Variants in MSI2 observed in about 807,000 individuals in gnomAD.
The protein encoded by MSI2 is musashi RNA binding protein 2.
Under a neutral mutation model 45.6 loss-of-function variants are expected in MSI2, and 17 were observed. The observed-to-expected ratio is 0.37, with a 90% CI of 0.26 to 0.56. The LOEUF (loss-of-function observed/expected upper bound fraction) is 0.56, where lower values mean the gene tolerates loss of function less well. MSI2 is among the 20% of genes least tolerant of loss of function. MSI2 has a pLI of 0.77. For missense variants in MSI2, 293 were observed against 444.2 expected, an observed-to-expected ratio of 0.66 and a Z score of 3.06; for synonymous variants, 156 against 158.2, an observed-to-expected ratio of 0.99 and a Z score of 0.11.
intron 6 of MSI2, among the ~76,000 whole-genome samples, chr17:57,492,155 G>GTGTTCCTCT (rs2085885318): frequency 6.6e-6 from 1 of 152,222 alleles, no homozygotes; most frequent in African/African-American, 2.4e-5. Context: ...ATTCTTGACA[G>GTGTTCCTCT]TGTTCCTCTA....
chr17:57,663,347 C>T (rs1186598963), intron 11 of MSI2, among the ~76,000 whole-genome samples: 1 of 152,222 alleles, frequency 6.6e-6, no homozygotes, highest in African/African-American at 2.4e-5. Flanking sequence ...TTCCTGGTTA[C>T]TTATTAATAT....
intron 10 of MSI2, among the ~76,000 whole-genome samples, chr17:57,649,354 T>C (rs1025214211): frequency 2.0e-5 from 3 of 147,582 alleles, no homozygotes; most frequent in Non-Finnish European, 4.5e-5. Flanking sequence ...CCAACACATA[T>C]ACACAACACA....
chr17:57,450,255 T>TAGAAAAAAAGAAAGAAAGAAAGAAAGA (rs1567830518), intron 6 of MSI2: 1 of 76,026 alleles, frequency 1.3e-5, no homozygotes, highest in African/African-American at 3.9e-5. Context: ...TTCCCCAGCT[T>TAGAAAAAAAGAAAGAAAGAAAGAAAGA]AAAGAAAGAA....
At chr17:57,427,424 A>G (rs1567817364) in intron 6 of MSI2, among the ~76,000 whole-genome samples, 1 of 151,932 alleles carries the variant, frequency 6.6e-6, no homozygotes, top group Non-Finnish European at 1.5e-5. Flanking sequence ...ATAAAAGAAA[A>G]TAAAAGAAAA....
intron 6 of MSI2, among the ~76,000 whole-genome samples, chr17:57,450,719 C>T (rs1273176318): frequency 6.6e-6 from 1 of 151,102 alleles, no homozygotes; most frequent in Non-Finnish European, 1.5e-5. Context: ...GCAAAAGTCC[C>T]CTTGTACAAT....
intron 6 of MSI2, among the ~76,000 whole-genome samples, chr17:57,515,810 A>G (rs2086459127): frequency 6.6e-6 from 1 of 152,200 alleles, no homozygotes; most frequent in African/African-American, 2.4e-5. Context: ...ATCCAAATCA[A>G]CAGAAATGAG....
intron 7 of MSI2, among the ~76,000 whole-genome samples, chr17:57,587,655 A>T (rs1246285921): frequency 2.6e-5 from 4 of 151,792 alleles, no homozygotes; most frequent in Non-Finnish European, 5.9e-5. Flanking sequence ...GGAATAAAGA[A>T]GACCCGTGTC....
chr17:57,355,852 T>G (rs9890459), intron 5 of MSI2, among the ~76,000 whole-genome samples: 1 of 152,194 alleles, frequency 6.6e-6, no homozygotes, highest in African/African-American at 2.4e-5. Context: ...CTTTGGAAGA[T>G]GTAAAGTGGC....
At chr17:57,360,414 G>T (rs1408285682) in intron 5 of MSI2, among the ~76,000 whole-genome samples, 3 of 152,250 alleles carry the variant, frequency 2.0e-5, no homozygotes, top group Non-Finnish European at 2.9e-5. Flanking sequence ...TGGTTTAGGG[G>T]CTCTCCCTTG....
Position 57,298,973 on chromosome 17 carries a change from G to A in MSI2, c.312+36781G>A, listed in dbSNP as rs561591423. 1.1e-3 allele frequency among the ~76,000 whole-genome samples: 168 copies of A among 152,320 alleles called. 1 individual carries two copies. In the South Asian group the frequency reaches 0.024, roughly 22 times the overall value. On this transcript the variant is annotated intron_variant, in intron 5 of 13. Coordinates refer to ENST00000284073, the MANE Select transcript of MSI2 (RefSeq NM_138962.4). ...TGTAGCCACCTTCATCAGTGATCTC[G>A]GCTAGATCTTCTGGATAACTTGCTG...
rs1913494114 is a variant in MSI2, at chr17:57,679,841, TC to T, written c.*325del. ...CATTCTCCTTTTAAATCTCTTTGAA[TC>T]ACATTTGGTAGTGATTTTGACTTAG... On this transcript the variant is annotated 3_prime_UTR_variant, in exon 14 of 14. Transcript: ENST00000284073. 3 of 232,946 alleles carry T rather than the reference TC, an allele frequency of 1.3e-5. No homozygotes were observed. Among genetic ancestry groups the T allele is most frequent in the Admixed American group, 5.6e-5 (1 of 17,762 alleles). 14.4% of individuals were successfully genotyped at this position (232,946 alleles called of 1,614,324 possible).
At chr17:57,613,375 C>T (rs1907357510) in intron 8 of MSI2, among the ~76,000 whole-genome samples, 1 of 152,144 alleles carries the variant, frequency 6.6e-6, no homozygotes, top group South Asian at 2.1e-4. Context: ...TTTCCCAGTA[C>T]CAGTGCATGA....
At chr17:57,601,068 A>G (rs1229240369) in intron 8 of MSI2, 2 of 152,270 alleles carry the variant, frequency 1.3e-5, no homozygotes, top group African/African-American at 4.8e-5. Context: ...TTTCAGGGTT[A>G]TGTAGCTGGG....
chr17:57,347,628 G>A (rs535276591), intron 5 of MSI2, among the ~76,000 whole-genome samples: 20 of 152,280 alleles, frequency 1.3e-4, no homozygotes, highest in African/African-American at 4.8e-4. Context: ...TTGTACATGT[G>A]ATGTTCAGCG....
At chr17:57,602,268 G>A (rs1016761348) in intron 8 of MSI2, among the ~76,000 whole-genome samples, 1 of 151,812 alleles carries the variant, frequency 6.6e-6, no homozygotes, top group African/African-American at 2.4e-5. Flanking sequence ...TTTTATGTGC[G>A]GCTGAAGACA....
intron 6 of MSI2, among the ~76,000 whole-genome samples, chr17:57,524,400 CTT>C (rs2086656014): frequency 6.6e-6 from 1 of 152,208 alleles, no homozygotes; most frequent in South Asian, 2.1e-4. Context: ...TTTATTTGTA[CTT>C]AGGCTGATGT....
intron 5 of MSI2, among the ~76,000 whole-genome samples, chr17:57,346,075 T>C (rs1226272867): frequency 6.6e-6 from 1 of 152,228 alleles, no homozygotes; most frequent in Non-Finnish European, 1.5e-5. Flanking sequence ...AATGTTGTTA[T>C]TTATCACTTC....
At chr17:57,355,932 G>T (rs1916380855) in intron 5 of MSI2, among the ~76,000 whole-genome samples, 1 of 152,228 alleles carries the variant, frequency 6.6e-6, no homozygotes, top group Non-Finnish European at 1.5e-5. Flanking sequence ...GAGTGCGATG[G>T]CACAATCTCA....
chr17:57,487,350 T>G (rs2085775657), intron 6 of MSI2, among the ~76,000 whole-genome samples: 1 of 152,204 alleles, frequency 6.6e-6, no homozygotes, highest in Non-Finnish European at 1.5e-5. Context: ...CTGGGAGTTG[T>G]CATCTCCGTG....
Sources: gnomAD v4.1 joint callset for allele counts (sites outside exome capture counted in the v4.1 genomes callset) on GRCh38, gnomAD v4.1.1 for gene constraint, MANE v1.5 for transcripts, NCBI Gene and HGNC (gene_info 2026-07-23, HGNC 2026-07-21) for gene names.